Variants in NCOR1 observed in about 807,000 individuals in gnomAD.
NCOR1 encodes nuclear receptor corepressor 1, also known as protein phosphatase 1, regulatory subunit 109.
NCOR1 carries 63 observed loss-of-function variants against 288.1 expected under a neutral mutation model. That is an observed-to-expected ratio of 0.22 (90% CI 0.18 to 0.27). The LOEUF (loss-of-function observed/expected upper bound fraction) is 0.27, where lower values mean the gene tolerates loss of function less well. Among genes scored for constraint, NCOR1 ranks in the 10% least tolerant of loss-of-function variants. The pLI is 1.00. For synonymous variants in NCOR1, 1,007 were observed against 1,065.9 expected (o/e 0.94, Z 1.08); for missense variants, 2,397 against 3,019.2 (o/e 0.79, Z 4.83).
At chr17:16,178,961 A>ATT (rs11306479) in intron 3 of NCOR1, among the ~76,000 whole-genome samples, 2 of 150,822 alleles carry the variant, frequency 1.3e-5, no homozygotes, top group Non-Finnish European at 3.0e-5. Context: ...AAAAAAAGTT[A>ATT]TTTTTTTTTT....
chr17:16,150,370 C>T (rs1018005910), intron 8 of NCOR1, among the ~76,000 whole-genome samples: 2 of 151,886 alleles, frequency 1.3e-5, no homozygotes, highest in African/African-American at 2.4e-5. Flanking sequence ...AAGCAAATGA[C>T]GGTGATGAAA....
rs146867648 is a variant in NCOR1 at position 16,153,013 on chromosome 17, C to A, written c.789+326G>T. 3.2e-3 allele frequency among the ~76,000 whole-genome samples: 491 copies of A among 152,140 alleles called. 6 individuals are homozygous for A. The highest frequency in any genetic ancestry group is 0.011 in the African/African-American group (454 of 41,496). Reference sequence around the variant, plus strand: ...TTTTTAATTTCAAAGTATTAATACTCCCTAATACTAGGGAGTATTAACCAT... The same window carrying A: ...TTTTTAATTTCAAAGTATTAATACTACCTAATACTAGGGAGTATTAACCAT... On this transcript the variant is annotated intron_variant, in intron 7 of 45. Transcript: ENST00000268712.
intron 19 of NCOR1, 155 bp from the exon 20 acceptor site, chr17:16,101,912 T>C: frequency 3.3e-6 from 3 of 920,304 alleles, no homozygotes; most frequent in Non-Finnish European, 4.8e-6. Flanking sequence ...ACTCCTTTGA[T>C]GACCTCATTG....
intron 26 of NCOR1, among the ~76,000 whole-genome samples, chr17:16,076,690 C>T (rs1310594755): frequency 6.6e-6 from 1 of 152,110 alleles, no homozygotes; most frequent in African/African-American, 2.4e-5. Flanking sequence ...TCATGACATC[C>T]GATGAAAAGT....
rs1198223775 is a variant in NCOR1 at position 16,098,431 on chromosome 17, G to A, written c.2756C>T (p.Pro919Leu). ...NPTGSILVSS[P>L]LKPNPLDLPQ... ...CAGATCCAGTGGATTTGGTTTTAAC[G>A]GAGATGAGACGAGTATAGATCCAGT... The change falls in exon 21 of 46, where the codon CCG becomes CTG. Residue 919 changes from proline (P) to leucine (L), a missense_variant. Physicochemically the swap from Pro to Leu is moderately conservative, Grantham distance 98 (BLOSUM62 -3). Transcript: ENST00000268712. 5.0e-6 allele frequency: 8 copies of A among 1,613,810 alleles called. No individual in the cohort carries two copies. The highest frequency in any genetic ancestry group is 4.0e-5 in the African/African-American group (3 of 74,900).
chr17:16,193,186 T>C (rs571504366), intron 2 of NCOR1, among the ~76,000 whole-genome samples: 1 of 152,334 alleles, frequency 6.6e-6, no homozygotes, highest in African/African-American at 2.4e-5. Flanking sequence ...AATGAGTGCA[T>C]TCTAATATAG....
chr17:16,040,156 A>C (rs1336517133), intron 43 of NCOR1: 1 of 548,688 alleles, frequency 1.8e-6, no homozygotes, highest in Non-Finnish European at 3.4e-6. Flanking sequence ...TCAGTCACCC[A>C]CACTTCTATT....
chr17:16,152,602 C>T (rs576927722), intron 7 of NCOR1, among the ~76,000 whole-genome samples: 9 of 152,126 alleles, frequency 5.9e-5, no homozygotes, highest in African/African-American at 1.7e-4. Context: ...TGAATAGTGC[C>T]GCAACAAACA....
intron 14 of NCOR1, among the ~76,000 whole-genome samples, chr17:16,127,096 T>C (rs965431393): frequency 3.7e-4 from 43 of 116,524 alleles, no homozygotes; most frequent in African/African-American, 1.2e-3. Context: ...AAGTTTATCA[T>C]AGGTGTGTGT....
At chr17:16,129,050 C>T (rs1003416889) in intron 14 of NCOR1, among the ~76,000 whole-genome samples, 1 of 152,220 alleles carries the variant, frequency 6.6e-6, no homozygotes, top group African/African-American at 2.4e-5. Flanking sequence ...GATTGCATCA[C>T]ATGGCTCATT....
intron 14 of NCOR1, among the ~76,000 whole-genome samples, chr17:16,128,512 C>T (rs1034658208): frequency 1.3e-5 from 2 of 152,206 alleles, no homozygotes; most frequent in Non-Finnish European, 2.9e-5. Context: ...ATCCCCAGCT[C>T]CCAGGAGAGT....
intron 41 of NCOR1, among the ~76,000 whole-genome samples, chr17:16,048,188 C>A (rs1028626409): frequency 1.4e-4 from 22 of 152,224 alleles, no homozygotes; most frequent in African/African-American, 4.6e-4. Context: ...ACTAGGCAAA[C>A]TGCACGACTA....
intron 44 of NCOR1, chr17:16,039,188 A>C (rs2057077251): frequency 2.0e-6 from 1 of 502,796 alleles, no homozygotes; most frequent in Non-Finnish European, 3.6e-6. Context: ...GGTGCAAACA[A>C]ATAAAAAATG....
chr17:16,180,546 T>C lies in NCOR1; in HGVS notation c.242+6008A>G, dbSNP rs144108616. ...CAGAAGGATCGCTTGAGGCCAGGAG[T>C]TGGAGACCAGCCTGGATATAGTGAG... On this transcript the variant is annotated intron_variant, in intron 3 of 45. Transcript: ENST00000268712. 6.2e-3 allele frequency among the ~76,000 whole-genome samples: 941 copies of C among 151,430 alleles called. 9 individuals carry two copies. Among genetic ancestry groups the C allele is most frequent in the African/African-American group, 0.022 (916 of 41,248 alleles).
chr17:16,064,812 T>C, intron 34 of NCOR1, 58 bp downstream of exon 34: 4 of 1,453,288 alleles, frequency 2.8e-6, no homozygotes, highest in Non-Finnish European at 3.7e-6. Context: ...AAAGGCTATG[T>C]TGTAAAAATG....
chr17:16,072,854 G>C (rs2061923760), intron 28 of NCOR1, among the ~76,000 whole-genome samples: 1 of 152,128 alleles, frequency 6.6e-6, no homozygotes, highest in Non-Finnish European at 1.5e-5. Context: ...TTTAAACAAA[G>C]TGGGCCATTA....
chr17:16,061,297 C>G (rs2060522474), intron 37 of NCOR1, 104 bp downstream of exon 37: 1 of 1,373,230 alleles, frequency 7.3e-7, no homozygotes, highest in Admixed American at 2.3e-5. Context: ...CATTTACTAT[C>G]AACCGTTAGG....
At chr17:16,163,379 A>C (rs2081283866) in intron 5 of NCOR1, among the ~76,000 whole-genome samples, 2 of 152,206 alleles carry the variant, frequency 1.3e-5, no homozygotes, top group African/African-American at 4.8e-5. Flanking sequence ...ATCTAAAAAG[A>C]TATACAAATG....
chr17:16,081,650 A>G (rs560277104), intron 23 of NCOR1, among the ~76,000 whole-genome samples: 2 of 152,326 alleles, frequency 1.3e-5, no homozygotes, highest in Non-Finnish European at 2.9e-5. Context: ...CTCCATTCAC[A>G]AAGCTGTCTT....
Sources: gnomAD v4.1 joint callset for allele counts (sites outside exome capture counted in the v4.1 genomes callset) on GRCh38, gnomAD v4.1.1 for gene constraint, MANE v1.5 for transcripts, NCBI Gene and HGNC (gene_info 2026-07-23, HGNC 2026-07-21) for gene names.